Variants in ALPK1 observed in about 807,000 individuals in gnomAD.
The protein encoded by ALPK1 is alpha kinase 1.
A neutral mutation model predicts 120.6 loss-of-function variants in ALPK1; 110 were observed. The observed-to-expected ratio is 0.91, with a 90% CI of 0.78 to 1.07. ALPK1 has a LOEUF of 1.07. Ranked by LOEUF, ALPK1 falls within the 50% of genes least tolerant of loss-of-function variation. The probability of loss-of-function intolerance (pLI) is 0.00; values close to 1 mark genes in which losing one functional copy is unlikely to be tolerated. For synonymous variants in ALPK1, 582 were observed against 560.3 expected, an observed-to-expected ratio of 1.04 and a Z score of -0.55; for missense variants, 1,498 against 1,483.9, an observed-to-expected ratio of 1.01 and a Z score of -0.16.
At chr4:112,382,027 A>G (rs1731934932) in intron 3 of ALPK1, among the ~76,000 whole-genome samples, 2 of 152,246 alleles carry the variant, frequency 1.3e-5, no homozygotes, top group Admixed American at 1.3e-4. Flanking sequence ...CAAGCCCAGA[A>G]TGCCATTCCA....
chr4:112,358,048 C>A, intron 2 of ALPK1: 1 of 593,110 alleles, frequency 1.7e-6, no homozygotes, highest in Admixed American at 2.2e-5. Context: ...GTGTGATCAT[C>A]ACGGGCCTCC....
intron 2 of ALPK1, chr4:112,358,707 AGGAG>A: frequency 1.3e-6 from 1 of 762,400 alleles, no homozygotes; most frequent in South Asian, 1.4e-5. Flanking sequence ...GCCGCAAGGA[AGGAG>A]GAAGAAGATC....
chr4:112,318,454 T>C (rs1435780811), intron 2 of ALPK1, among the ~76,000 whole-genome samples: 1 of 152,236 alleles, frequency 6.6e-6, no homozygotes, highest in African/African-American at 2.4e-5. Context: ...GCTAAGTGAT[T>C]AGCCCAGGGT....
At chr4:112,440,264 T>C (rs1156993035) in intron 14 of ALPK1, among the ~76,000 whole-genome samples, 13 of 152,202 alleles carry the variant, frequency 8.5e-5, no homozygotes, top group African/African-American at 7.2e-5. Context: ...AAGTGTGATG[T>C]TGGGTTTCAT....
At chr4:112,435,098 TGTAAC>T (rs1380307593) in intron 11 of ALPK1, 45 bp from the exon 12 acceptor site, 1 of 1,567,354 alleles carries the variant, frequency 6.4e-7, no homozygotes, top group Admixed American at 1.9e-5. Flanking sequence ...ATTCATGAAT[TGTAAC>T]GTCCTTTTGA....
intron 5 of ALPK1, among the ~76,000 whole-genome samples, chr4:112,421,773 A>T (rs1734003378): frequency 6.6e-6 from 1 of 152,204 alleles, no homozygotes; most frequent in African/African-American, 2.4e-5. Context: ...TCACAGTTGG[A>T]GATGTGACAG....
Position 112,411,897 on chromosome 4 carries a change from G to A in ALPK1, c.347G>A (p.Arg116Gln), listed in dbSNP as rs1238367119. The change falls in exon 5 of 16, where the codon CGG becomes CAG. Residue 116 changes from arginine to glutamine, a missense_variant. Transcript: ENST00000650871. ...AAAAIVFLVD[R>Q]FLYGLDVSGK... ...GCGGCTATTGTGTTCTTGGTGGACC[G>A]GTTCCTGTATGGGCTCGACGTCTCT... 3 of 1,614,092 alleles carry A rather than the reference G, an allele frequency of 1.9e-6. No homozygotes were observed. The highest frequency in any genetic ancestry group is 2.2e-5 in the East Asian group (1 of 44,872).
intron 4 of ALPK1, chr4:112,383,087 T>C (rs906924901): frequency 4.6e-5 from 7 of 153,684 alleles, no homozygotes; most frequent in Admixed American, 4.5e-4. Flanking sequence ...TCTCAACTCA[T>C]TTATTGGAAA....
intron 1 of ALPK1, among the ~76,000 whole-genome samples, chr4:112,304,151 G>GTCA (rs1386696569): frequency 6.6e-6 from 1 of 152,120 alleles, no homozygotes; most frequent in Non-Finnish European, 1.5e-5. Context: ...GTCTATCATT[G>GTCA]ATGGACACTT....
At chr4:112,324,464 G>GT (rs1729016649) in intron 2 of ALPK1, among the ~76,000 whole-genome samples, 1 of 151,766 alleles carries the variant, frequency 6.6e-6, no homozygotes, top group African/African-American at 2.4e-5. Context: ...TTGTTTGTTT[G>GT]TTTGTTTTGT....
intron 3 of ALPK1, among the ~76,000 whole-genome samples, chr4:112,379,987 C>T (rs1047515697): frequency 3.9e-5 from 6 of 152,168 alleles, no homozygotes; most frequent in Non-Finnish European, 8.8e-5. Flanking sequence ...ACACTATTCA[C>T]TCCAAAGTGT....
intron 4 of ALPK1, among the ~76,000 whole-genome samples, chr4:112,393,950 T>C (rs1047438114): frequency 1.1e-4 from 16 of 151,882 alleles, no homozygotes; most frequent in Admixed American, 4.6e-4. Flanking sequence ...ATATATATAC[T>C]GTATATATAA....
chr4:112,385,305 C>T (rs941640058), intron 4 of ALPK1, among the ~76,000 whole-genome samples: 2 of 152,160 alleles, frequency 1.3e-5, no homozygotes, highest in Non-Finnish European at 2.9e-5. Context: ...ACTTATGATA[C>T]CTCCCGCTAT....
intron 2 of ALPK1, chr4:112,356,635 G>A: frequency 1.2e-6 from 1 of 800,242 alleles, no homozygotes; most frequent in Non-Finnish European, 2.2e-6. Flanking sequence ...AAGATGGCAA[G>A]TCGCTCTGTC....
chr4:112,350,022 A>G (rs755259616), intron 2 of ALPK1, among the ~76,000 whole-genome samples: 3 of 152,234 alleles, frequency 2.0e-5, no homozygotes, highest in Non-Finnish European at 4.4e-5. Flanking sequence ...TCAGCTAGTA[A>G]GTAGCAGAAA....
At chr4:112,327,696 T>G (rs1729178009) in intron 2 of ALPK1, among the ~76,000 whole-genome samples, 1 of 152,202 alleles carries the variant, frequency 6.6e-6, no homozygotes, top group South Asian at 2.1e-4. Flanking sequence ...CCTCCTGCCT[T>G]GGCCTCCCAA....
At chr4:112,422,875 T>C (rs546260704) in intron 5 of ALPK1, among the ~76,000 whole-genome samples, 8 of 152,344 alleles carry the variant, frequency 5.3e-5, no homozygotes, top group African/African-American at 1.2e-4. Flanking sequence ...CCTCAGAGCA[T>C]TGGGCTAAGT....
At chr4:112,438,677 C>A in intron 13 of ALPK1, 31 bp downstream of exon 13, 1 of 1,596,478 alleles carries the variant, frequency 6.3e-7, no homozygotes, top group Non-Finnish European at 8.6e-7. Context: ...TCATTTGGAT[C>A]TTCCAAATCA....
At chr4:112,332,982 C>A (rs1040407247) in intron 2 of ALPK1, among the ~76,000 whole-genome samples, 3 of 152,194 alleles carry the variant, frequency 2.0e-5, no homozygotes, top group African/African-American at 7.2e-5. Context: ...GGTCCCCAGT[C>A]TCCATTTCAT....
Sources: allele counts gnomAD v4.1 joint callset (sites outside exome capture counted in the v4.1 genomes callset), GRCh38; gene constraint gnomAD v4.1.1; transcripts MANE v1.5; gene names NCBI Gene and HGNC (gene_info 2026-07-23, HGNC 2026-07-21).